The following TMEM132D variants were observed in gnomAD, a reference collection of about 807,000 sequenced individuals.
The protein encoded by TMEM132D is mature OL transmembrane protein.
Under a neutral mutation model 62.3 loss-of-function variants are expected in TMEM132D, and 21 were observed. That is an observed-to-expected ratio of 0.34 (90% confidence interval 0.24 to 0.49). The LOEUF (loss-of-function observed/expected upper bound fraction) is 0.49, where lower values mean the gene tolerates loss of function less well. Ranked by LOEUF, TMEM132D falls within the 20% of genes least tolerant of loss-of-function variation. TMEM132D has a pLI of 0.99. For synonymous variants in TMEM132D, 621 were observed against 575.6 expected (o/e 1.08, Z -1.13); for missense variants, 1,346 against 1,402.8 (o/e 0.96, Z 0.65).
At chr12:129,091,372 G>T (rs776909680) in intron 5 of TMEM132D, among the ~76,000 whole-genome samples, 6 of 145,292 alleles carry the variant, frequency 4.1e-5, no homozygotes, top group Non-Finnish European at 7.6e-5. Flanking sequence ...CCCTTCCTAA[G>T]CTCACATGGT....
At chr12:129,101,503 G>C (rs1875307570) in intron 5 of TMEM132D, among the ~76,000 whole-genome samples, 1 of 152,100 alleles carries the variant, frequency 6.6e-6, no homozygotes, top group Non-Finnish European at 1.5e-5. Context: ...AGCAAGAAAA[G>C]AATCAACAAC....
intron 5 of TMEM132D, among the ~76,000 whole-genome samples, chr12:129,201,846 A>G (rs1372961576): frequency 3.9e-5 from 6 of 152,198 alleles, no homozygotes; most frequent in African/African-American, 1.4e-4. Flanking sequence ...GGAGTTCTAA[A>G]TAAAACACCC....
At chr12:129,175,952 T>G (rs1486630) in intron 5 of TMEM132D, among the ~76,000 whole-genome samples, 75,366 of 152,002 alleles carry the variant, frequency 0.5, 18,752 homozygotes, top group East Asian at 0.62. Flanking sequence ...CTTGCATACT[T>G]CTTACTCCTC....
At chr12:129,661,340 T>A (rs1452647776) in intron 2 of TMEM132D, among the ~76,000 whole-genome samples, 1 of 152,226 alleles carries the variant, frequency 6.6e-6, no homozygotes, top group Admixed American at 6.5e-5. Context: ...CTCAGCAGCT[T>A]CTGGAGTTAA....
intron 5 of TMEM132D, among the ~76,000 whole-genome samples, chr12:129,200,817 A>T (rs1878685720): frequency 1.3e-5 from 2 of 152,340 alleles, no homozygotes; most frequent in South Asian, 4.1e-4. Flanking sequence ...TGCTGAAAAT[A>T]GCTGCAGAAG....
chr12:129,310,956 G>C (rs1030600678), intron 4 of TMEM132D, among the ~76,000 whole-genome samples: 2 of 141,582 alleles, frequency 1.4e-5, no homozygotes, highest in African/African-American at 2.8e-5. Context: ...GAACAAAAAG[G>C]AACAGGCCGA....
At chr12:129,876,633 C>T (rs935306371) in intron 1 of TMEM132D, among the ~76,000 whole-genome samples, 3 of 152,156 alleles carry the variant, frequency 2.0e-5, no homozygotes, top group Non-Finnish European at 4.4e-5. Flanking sequence ...CTGGATCAAG[C>T]CTCAACAACG....
At chr12:129,451,764 A>G (rs958700857) in intron 3 of TMEM132D, among the ~76,000 whole-genome samples, 2 of 152,200 alleles carry the variant, frequency 1.3e-5, no homozygotes, top group Non-Finnish European at 2.9e-5. Context: ...AGGCAGGAGG[A>G]AAGGGCAAAG....
chr12:129,244,406 A>AAAAC (rs1259456817), intron 4 of TMEM132D, among the ~76,000 whole-genome samples: 161 of 146,292 alleles, frequency 1.1e-3, no homozygotes, highest in African/African-American at 3.7e-3. Flanking sequence ...AAAAAAAAAA[A>AAAAC]AAACAAACAA....
intron 1 of TMEM132D, among the ~76,000 whole-genome samples, chr12:129,724,704 G>A (rs996710414): frequency 2.6e-5 from 4 of 151,820 alleles, no homozygotes; most frequent in Non-Finnish European, 2.9e-5. Context: ...TGTACTTTTA[G>A]TAGAGACGGG....
At chr12:129,280,380 A>C (rs150581648) in intron 4 of TMEM132D, among the ~76,000 whole-genome samples, 1 of 152,352 alleles carries the variant, frequency 6.6e-6, no homozygotes, top group East Asian at 1.9e-4. Flanking sequence ...GGAATGCACA[A>C]AACGGGTTTA....
chr12:129,192,207 T>TCAC (rs1257132499), intron 5 of TMEM132D, among the ~76,000 whole-genome samples: 1 of 152,194 alleles, frequency 6.6e-6, no homozygotes, highest in Non-Finnish European at 1.5e-5. Flanking sequence ...GGGGCCTCCA[T>TCAC]CCTGGGTGAC....
chr12:129,894,522 A>G (rs1875038577), intron 1 of TMEM132D, among the ~76,000 whole-genome samples: 1 of 152,196 alleles, frequency 6.6e-6, no homozygotes, highest in South Asian at 2.1e-4. Flanking sequence ...TAAAATCAGC[A>G]CAACTCTGGA....
intron 1 of TMEM132D, among the ~76,000 whole-genome samples, chr12:129,706,392 C>G (rs1881507659): frequency 1.3e-5 from 2 of 151,844 alleles, no homozygotes; most frequent in African/African-American, 4.8e-5. Flanking sequence ...AAATAAGTAA[C>G]TGAATTAAAG....
At chr12:129,866,932 C>A (rs1183311967) in intron 1 of TMEM132D, among the ~76,000 whole-genome samples, 1 of 152,070 alleles carries the variant, frequency 6.6e-6, no homozygotes, top group Non-Finnish European at 1.5e-5. Context: ...TGTATATATA[C>A]ATGGAATATT....
chr12:129,859,524 C>T (rs951675628), intron 1 of TMEM132D, among the ~76,000 whole-genome samples: 6 of 152,152 alleles, frequency 3.9e-5, no homozygotes, highest in Non-Finnish European at 8.8e-5. Context: ...AGTATCATTT[C>T]TGGGTGTGTC....
intron 3 of TMEM132D, among the ~76,000 whole-genome samples, chr12:129,388,229 G>T (rs1199005918): frequency 8.0e-6 from 1 of 124,680 alleles, no homozygotes; most frequent in Non-Finnish European, 1.8e-5. Context: ...ACACTAACAC[G>T]AATCCTAATA....
At chr12:129,250,649 T>C (rs1470504777) in intron 4 of TMEM132D, among the ~76,000 whole-genome samples, 1 of 152,186 alleles carries the variant, frequency 6.6e-6, no homozygotes, top group Non-Finnish European at 1.5e-5. Context: ...ACTCATTTTC[T>C]CTAGGGGTTT....
chr12:129,655,961 T>G (rs265598), intron 2 of TMEM132D, among the ~76,000 whole-genome samples: 68,441 of 151,956 alleles, frequency 0.45, 16,442 homozygotes, highest in East Asian at 0.64. Flanking sequence ...CTCTTTCGGT[T>G]CCTCTCAAGG....
Sources: allele counts gnomAD v4.1 joint callset (sites outside exome capture counted in the v4.1 genomes callset), GRCh38; gene constraint gnomAD v4.1.1; transcripts MANE v1.5; gene names NCBI Gene and HGNC (gene_info 2026-07-23, HGNC 2026-07-21).